The following RBMS3 variants were observed in gnomAD, a reference collection of about 807,000 sequenced individuals.
RBMS3 encodes the protein RNA-binding motif, single-stranded-interacting protein 3.
Under a neutral mutation model 66.8 loss-of-function variants are expected in RBMS3, and 27 were observed. That is an observed-to-expected ratio of 0.40 (90% CI 0.30 to 0.56). RBMS3 has a LOEUF of 0.56. Among genes scored for constraint, RBMS3 ranks in the 20% least tolerant of loss-of-function variants. RBMS3 has a pLI of 0.40. For missense variants in RBMS3, 513 were observed against 549.5 expected (o/e 0.93, Z 0.66); for synonymous variants, 188 against 183.0 (o/e 1.03, Z -0.22).
chr3:29,695,781 C>T (rs2052244565), intron 4 of RBMS3, among the ~76,000 whole-genome samples: 1 of 152,216 alleles, frequency 6.6e-6, no homozygotes, highest in Non-Finnish European at 1.5e-5. Context: ...TGCCTGTACA[C>T]ATTGCCAACT....
At chr3:29,686,195 C>T (rs1028635553) in intron 4 of RBMS3, among the ~76,000 whole-genome samples, 1 of 152,168 alleles carries the variant, frequency 6.6e-6, no homozygotes, top group African/African-American at 2.4e-5. Flanking sequence ...TTTGCTTCAT[C>T]TTAACCATAT....
chr3:29,955,542 C>T (rs920032973), intron 12 of RBMS3, among the ~76,000 whole-genome samples: 5 of 152,046 alleles, frequency 3.3e-5, no homozygotes, highest in Admixed American at 2.6e-4. Flanking sequence ...TAAAAAAAAG[C>T]TGTTTTACCT....
chr3:29,608,981 G>A (rs1004600174), intron 4 of RBMS3, among the ~76,000 whole-genome samples: 2 of 151,968 alleles, frequency 1.3e-5, no homozygotes, highest in Admixed American at 1.3e-4. Context: ...AGCATTCACT[G>A]CAGAATGTTG....
chr3:29,989,843 T>C (rs912718260), intron 13 of RBMS3, among the ~76,000 whole-genome samples: 1 of 152,192 alleles, frequency 6.6e-6, no homozygotes, highest in Non-Finnish European at 1.5e-5. Flanking sequence ...ATAAGAAAAT[T>C]AAAAATCTGG....
chr3:29,739,458 GAAA>G (rs56861996), intron 4 of RBMS3, among the ~76,000 whole-genome samples: 4 of 129,582 alleles, frequency 3.1e-5, no homozygotes, highest in Non-Finnish European at 1.6e-5. Flanking sequence ...TCCGTCTCAA[GAAA>G]AAAAAAAAAA....
chr3:29,692,865 T>C (rs1365160570), intron 4 of RBMS3, among the ~76,000 whole-genome samples: 1 of 152,194 alleles, frequency 6.6e-6, no homozygotes, highest in Non-Finnish European at 1.5e-5. Context: ...GATAAGTGAT[T>C]AGTGTTCAAG....
At chr3:29,379,260 A>G (rs1008412394) in intron 1 of RBMS3, among the ~76,000 whole-genome samples, 3 of 152,200 alleles carry the variant, frequency 2.0e-5, no homozygotes, top group Admixed American at 2.0e-4. Context: ...CTTTCACCTA[A>G]GAGTTCTGAT....
At chr3:29,723,534 T>C (rs1203900769) in intron 4 of RBMS3, among the ~76,000 whole-genome samples, 2 of 152,198 alleles carry the variant, frequency 1.3e-5, no homozygotes, top group African/African-American at 4.8e-5. Flanking sequence ...ACAGTTTAAA[T>C]AGAGCTAAGA....
intron 2 of RBMS3, among the ~76,000 whole-genome samples, chr3:29,480,420 T>C (rs978950567): frequency 6.6e-6 from 1 of 151,936 alleles, no homozygotes; most frequent in Non-Finnish European, 1.5e-5. Context: ...TTCTGGAACA[T>C]GATGGAAGAG....
chr3:29,587,227 G>GTTGTTT (rs2047550973), intron 4 of RBMS3, 22 bp downstream of exon 4: 1 of 200,484 alleles, frequency 5.0e-6, no homozygotes, highest in Non-Finnish European at 7.2e-6. Context: ...GTTTAGGGGT[G>GTTGTTT]TTTTTTTTTT....
chr3:29,376,617 C>CA (rs752960560), intron 1 of RBMS3, among the ~76,000 whole-genome samples: 80 of 151,458 alleles, frequency 5.3e-4, no homozygotes, highest in Admixed American at 9.2e-4. Flanking sequence ...CTAAAAAATA[C>CA]AAAAAAACGA....
chr3:29,568,311 G>C (rs1314813114), intron 3 of RBMS3, among the ~76,000 whole-genome samples: 1 of 152,144 alleles, frequency 6.6e-6, no homozygotes, highest in African/African-American at 2.4e-5. Context: ...AATAGCCCCA[G>C]TCCTGTATTT....
intron 3 of RBMS3, among the ~76,000 whole-genome samples, chr3:29,506,226 T>A (rs2044175596): frequency 6.6e-6 from 1 of 151,960 alleles, no homozygotes; most frequent in Non-Finnish European, 1.5e-5. Flanking sequence ...ATCATATATG[T>A]CCTTTCAGGT....
chr3:29,663,167 C>T (rs2050620384), intron 4 of RBMS3, among the ~76,000 whole-genome samples: 2 of 152,304 alleles, frequency 1.3e-5, no homozygotes, highest in East Asian at 1.9e-4. Flanking sequence ...TGCCTCTCCA[C>T]AATTTCTCCT....
intron 1 of RBMS3, among the ~76,000 whole-genome samples, chr3:29,328,504 C>T (rs79042934): frequency 1.3e-5 from 2 of 152,146 alleles, no homozygotes. Flanking sequence ...TTGCTTTCCA[C>T]GGTTCCATGA....
intron 1 of RBMS3, among the ~76,000 whole-genome samples, chr3:29,432,478 T>C (rs12491963): frequency 1.4e-3 from 216 of 152,266 alleles, no homozygotes; most frequent in Non-Finnish European, 2.2e-3. Flanking sequence ...TTGCAAGAAA[T>C]GAAGCTGGGT....
intron 4 of RBMS3, among the ~76,000 whole-genome samples, chr3:29,647,771 T>C (rs2049983759): frequency 6.6e-6 from 1 of 152,224 alleles, no homozygotes; most frequent in Non-Finnish European, 1.5e-5. Flanking sequence ...ATGATGTTGT[T>C]TAACTAATGT....
rs1491124907 is a variant in RBMS3 at position 29,488,415 on chromosome 3, GGT to G, written c.249-25_249-24del. ...GTCTTCAATGGGTTACAATAACATG[GGT>G]TTTTTTCTCTCTCTCTCTTTCAGGT... On this transcript the variant is annotated intron_variant, in intron 2 of 14. Transcript: ENST00000383767. 38 of 1,518,340 alleles carry G rather than the reference GGT, an allele frequency of 2.5e-5. No homozygotes were observed. In the East Asian group the frequency reaches 7.8e-4, roughly 31 times the overall value. 94.1% of individuals were successfully genotyped at this position (1,518,340 alleles called of 1,614,324 possible). A position where few individuals can be genotyped will look rare whatever the true frequency, so the allele number is the denominator to read the frequency against.
chr3:29,488,083 A>T (rs1407797990), intron 2 of RBMS3, among the ~76,000 whole-genome samples: 2 of 152,198 alleles, frequency 1.3e-5, no homozygotes, highest in African/African-American at 4.8e-5. Context: ...ACAAGGTGAG[A>T]GTCAGAGCTG....
Sources: allele counts gnomAD v4.1 joint callset (sites outside exome capture counted in the v4.1 genomes callset), GRCh38; gene constraint gnomAD v4.1.1; transcripts MANE v1.5; gene names NCBI Gene and HGNC (gene_info 2026-07-23, HGNC 2026-07-21).